Variants in DIPK1A observed in about 807,000 individuals in gnomAD.
The protein encoded by DIPK1A is divergent protein kinase domain 1A.
In DIPK1A, 27 loss-of-function variants were observed where a neutral mutation model predicts 40.8. The ratio of observed to expected loss-of-function variants is 0.66; its 90% confidence interval spans 0.49 to 0.91. The LOEUF (loss-of-function observed/expected upper bound fraction) is 0.91, where lower values mean the gene tolerates loss of function less well. Among genes scored for constraint, DIPK1A ranks in the 40% least tolerant of loss-of-function variants. The pLI is 0.00. For synonymous variants in DIPK1A, 166 were observed against 171.3 expected (o/e 0.97, Z 0.24); for missense variants, 412 against 505.7 (o/e 0.81, Z 1.78).
chr1:92,949,769 T>A (rs1651555510), intron 1 of DIPK1A, among the ~76,000 whole-genome samples: 1 of 152,254 alleles, frequency 6.6e-6, no homozygotes, highest in South Asian at 2.1e-4. Context: ...ACATAGTTTG[T>A]ATCATAAGCT....
intron 1 of DIPK1A, among the ~76,000 whole-genome samples, chr1:92,925,000 G>A (rs571838006): frequency 2.4e-4 from 36 of 152,276 alleles, no homozygotes; most frequent in African/African-American, 8.4e-4. Flanking sequence ...CCAGTTTGCT[G>A]GATTTTATTT....
rs112522493 is a variant in DIPK1A at position 92,960,486 on chromosome 1, C to T, written c.54+890G>A. On this transcript the variant is annotated intron_variant, in intron 1 of 4. Transcript: ENST00000370310. ...CATTGATTTGTAGTTGTTTTTCCAT[C>T]GGAGTGATGGATTTGCGCTCAGCTA... Among the ~76,000 whole-genome samples, 203 of 152,242 alleles carry T rather than the reference C, an allele frequency of 1.3e-3. 3 individuals carry two copies. Among genetic ancestry groups the T allele is most frequent in the Middle Eastern group, 3.4e-3 (1 of 294 alleles).
At chr1:92,950,175 AG>A (rs1651569210) in intron 1 of DIPK1A, among the ~76,000 whole-genome samples, 1 of 152,216 alleles carries the variant, frequency 6.6e-6, no homozygotes. Flanking sequence ...AGTAAAAAAA[AG>A]ACAATAAACC....
At chr1:92,845,291 CGTTTTT>C (rs1311940427) in intron 4 of DIPK1A, among the ~76,000 whole-genome samples, 1 of 70,040 alleles carries the variant, frequency 1.4e-5, no homozygotes, top group East Asian at 5.0e-4. Flanking sequence ...TGCAGAGTAC[CGTTTTT>C]TTTTTTTTTT....
At chr1:92,836,476 T>A in intron 4 of DIPK1A, 1 of 1,251,120 alleles carries the variant, frequency 8.0e-7, no homozygotes, top group Non-Finnish European at 1.2e-6. Flanking sequence ...ATAACCGAAT[T>A]AAAGTAGCTA....
Position 92,925,596 on chromosome 1 carries a change from C to A in DIPK1A, c.54+35780G>T, listed in dbSNP as rs1650463315. ...GCAACCTCCACCTCCCAGATTGAAG[C>A]AATTCTCCTGCCTCAGCCTCCCGAG... On this transcript the variant is annotated intron_variant, in intron 1 of 4. Coordinates refer to ENST00000370310, the MANE Select transcript of DIPK1A (RefSeq NM_001006605.5). 2.0e-5 allele frequency among the ~76,000 whole-genome samples: 3 copies of A among 152,194 alleles called. No individual in the cohort carries two copies. The South Asian group carries it at 6.2e-4, about 32-fold the overall frequency.
At chr1:92,937,215 C>T (rs962122290) in intron 1 of DIPK1A, among the ~76,000 whole-genome samples, 3 of 151,986 alleles carry the variant, frequency 2.0e-5, no homozygotes, top group African/African-American at 7.3e-5. Context: ...AATCCCAGCA[C>T]TTTGGGAGGC....
chr1:92,961,190 G>C (rs924243209), intron 1 of DIPK1A, among the ~76,000 whole-genome samples, 186 bp downstream of exon 1: 1 of 151,050 alleles, frequency 6.6e-6, no homozygotes, highest in Non-Finnish European at 1.5e-5. Context: ...GCGGTGGGGG[G>C]CGTCGGCAGA....
chr1:92,856,155 A>C (rs1687979260), intron 2 of DIPK1A, among the ~76,000 whole-genome samples: 1 of 152,138 alleles, frequency 6.6e-6, no homozygotes, highest in South Asian at 2.1e-4. Flanking sequence ...AGCAAGACTG[A>C]TTATGAGAAA....
chr1:92,918,689 G>A (rs747015965), intron 1 of DIPK1A, among the ~76,000 whole-genome samples: 1 of 152,112 alleles, frequency 6.6e-6, no homozygotes, highest in Admixed American at 6.6e-5. Flanking sequence ...AGATTGCTTG[G>A]TAAGTGCTGT....
intron 1 of DIPK1A, among the ~76,000 whole-genome samples, chr1:92,935,167 A>G (rs1036151787): frequency 1.3e-5 from 2 of 152,198 alleles, no homozygotes; most frequent in African/African-American, 4.8e-5. Flanking sequence ...ACAGGTCTTG[A>G]GATTCCCAGT....
At chr1:92,897,542 A>T (rs1649226943) in intron 1 of DIPK1A, among the ~76,000 whole-genome samples, 1 of 152,160 alleles carries the variant, frequency 6.6e-6, no homozygotes, top group South Asian at 2.1e-4. Flanking sequence ...GCATTAGGAG[A>T]TATACCTAAT....
chr1:92,891,421 T>C lies in DIPK1A; in HGVS notation c.55-14991A>G, dbSNP rs148227031. Among the ~76,000 whole-genome samples, 278 of 152,294 alleles carry C rather than the reference T, an allele frequency of 1.8e-3. 1 individual carries two copies. The highest frequency in any genetic ancestry group is 6.5e-3 in the African/African-American group (269 of 41,560). ...TTAAAATCTTTCTACTTTTTGGATG[T>C]AGGTGTTTATTGCTATAAATTTCCC... is the stretch of plus-strand genomic sequence containing the variant. On this transcript the variant is annotated intron_variant, in intron 1 of 4. Coordinates refer to ENST00000370310, the MANE Select transcript of DIPK1A (RefSeq NM_001006605.5).
chr1:92,849,829 T>C (rs1195485679), intron 3 of DIPK1A, among the ~76,000 whole-genome samples: 2 of 152,014 alleles, frequency 1.3e-5, no homozygotes, highest in East Asian at 3.9e-4. Context: ...CTAATTTTTG[T>C]ATTTTTTGTA....
Position 92,842,310 on chromosome 1 carries a change from TC to T in DIPK1A, c.*1072del. The T allele has an allele frequency of 5.1e-6, 5 of 986,386 alleles. No homozygotes were observed. The highest frequency in any genetic ancestry group is 6.0e-6 in the Non-Finnish European group (5 of 830,584). The allele number at this position is 986,386 out of a possible 1,614,324, so 61.1% of individuals were successfully genotyped here. On this transcript the variant is annotated 3_prime_UTR_variant, in exon 5 of 5. Coordinates refer to ENST00000370310, the MANE Select transcript of DIPK1A (RefSeq NM_001006605.5). ...ATGGTCACATAGATTTTTAACATGTTCCACTTTAGGTAGGCGAAACCTTTGA... is the reference window on the plus strand; with the variant it reads ...ATGGTCACATAGATTTTTAACATGTTCACTTTAGGTAGGCGAAACCTTTGA...
intron 4 of DIPK1A, chr1:92,836,438 C>A (rs762888101): frequency 1.8e-5 from 28 of 1,553,962 alleles, no homozygotes; most frequent in Non-Finnish European, 2.5e-5. Flanking sequence ...GTGGTACTTC[C>A]CTGTTTTTAA....
Position 92,954,848 on chromosome 1 carries a change from T to A in DIPK1A, c.54+6528A>T, listed in dbSNP as rs149585715. 3.9e-3 allele frequency among the ~76,000 whole-genome samples: 596 copies of A among 152,246 alleles called. 3 individuals are homozygous for A. Among genetic ancestry groups the A allele is most frequent in the African/African-American group, 0.014 (565 of 41,552 alleles). On this transcript the variant is annotated intron_variant, in intron 1 of 4. Coordinates refer to ENST00000370310, the MANE Select transcript of DIPK1A (RefSeq NM_001006605.5). ...AAAATAATACTATAATCCATCAAGA[T>A]GAAAAACTGGGGCACTCCACAAAAA...
At chr1:92,886,504 C>T (rs1193855244) in intron 1 of DIPK1A, among the ~76,000 whole-genome samples, 1 of 151,950 alleles carries the variant, frequency 6.6e-6, no homozygotes. Context: ...GTTATACATC[C>T]ACTTAAATAT....
intron 3 of DIPK1A, among the ~76,000 whole-genome samples, chr1:92,849,420 T>C (rs1687739174): frequency 1.3e-5 from 2 of 151,458 alleles, no homozygotes; most frequent in African/African-American, 2.4e-5. Context: ...TGAACACGGC[T>C]CACTGCAGCC....
Sources: allele counts gnomAD v4.1 joint callset (sites outside exome capture counted in the v4.1 genomes callset), GRCh38; gene constraint gnomAD v4.1.1; transcripts MANE v1.5; gene names NCBI Gene and HGNC (gene_info 2026-07-23, HGNC 2026-07-21).